GALNT13: variants seen among roughly 807,000 people sequenced by gnomAD.
GALNT13 encodes the protein polypeptide N-acetylgalactosaminyltransferase 13.
Under a neutral mutation model 64.2 loss-of-function variants are expected in GALNT13, and 28 were observed. The ratio of observed to expected loss-of-function variants is 0.44; its 90% confidence interval spans 0.32 to 0.60. The LOEUF is 0.60. Among genes scored for constraint, GALNT13 ranks in the 20% least tolerant of loss-of-function variants. The pLI is 0.05. For missense variants in GALNT13, 577 were observed against 669.8 expected (o/e 0.86, Z 1.53); for synonymous variants, 214 against 224.6 (o/e 0.95, Z 0.42).
chr2:154,104,184 G>A (rs2105470674), intron 3 of GALNT13, among the ~76,000 whole-genome samples: 1 of 139,764 alleles, frequency 7.2e-6, no homozygotes, highest in African/African-American at 2.6e-5. Flanking sequence ...AGGGCATGAT[G>A]CAACTGAGTT....
chr2:153,304,171 TGAGTCCAGAC>T, the GALNT13 span, among the ~76,000 whole-genome samples: 2 of 148,828 alleles, frequency 1.3e-5, no homozygotes, highest in African/African-American at 2.5e-5. Flanking sequence ...GTTCTGTTTT[TGAGTCCAGAC>T]TAGACAAGTA....
At chr2:154,200,986 G>A (rs939740474) in intron 4 of GALNT13, among the ~76,000 whole-genome samples, 3 of 152,068 alleles carry the variant, frequency 2.0e-5, no homozygotes, top group Non-Finnish European at 4.4e-5. Context: ...ACAATTAAAA[G>A]AACTTTAAGA....
the GALNT13 span, among the ~76,000 whole-genome samples, chr2:153,431,754 C>A: frequency 6.6e-6 from 1 of 152,156 alleles, no homozygotes; most frequent in African/African-American, 2.4e-5. Context: ...AGGGATCACC[C>A]ATTTCTTTTA....
At chr2:154,155,286 T>C (rs1013612620) in intron 4 of GALNT13, among the ~76,000 whole-genome samples, 5 of 152,114 alleles carry the variant, frequency 3.3e-5, no homozygotes, top group Admixed American at 1.3e-4. Flanking sequence ...CATTTGAAAG[T>C]CAGTCTTTGT....
chr2:154,105,856 TA>T (rs1260755728), intron 3 of GALNT13, among the ~76,000 whole-genome samples: 1 of 152,188 alleles, frequency 6.6e-6, no homozygotes, highest in Non-Finnish European at 1.5e-5. Flanking sequence ...TCAATTAATT[TA>T]AATTAAAATA....
At chr2:153,478,570 G>C in the GALNT13 span, 8 of 1,556,054 alleles carry the variant, frequency 5.1e-6, no homozygotes, top group Non-Finnish European at 5.2e-6. Context: ...ATTCATCGCA[G>C]GAACGGGCGG....
At chr2:153,957,807 G>A (rs759565678) in intron 3 of GALNT13, among the ~76,000 whole-genome samples, 3 of 151,944 alleles carry the variant, frequency 2.0e-5, no homozygotes, top group Non-Finnish European at 2.9e-5. Context: ...TAACTGTGTC[G>A]TAATTGACTG....
chr2:153,725,284 T>C, the GALNT13 span, among the ~76,000 whole-genome samples: 2 of 150,412 alleles, frequency 1.3e-5, no homozygotes, highest in Non-Finnish European at 2.9e-5. Context: ...GGAAGGGGAA[T>C]ATCACACTCT....
At chr2:153,691,542 C>T in the GALNT13 span, among the ~76,000 whole-genome samples, 1 of 151,778 alleles carries the variant, frequency 6.6e-6, no homozygotes, top group South Asian at 2.1e-4. Context: ...ATAAAAATTC[C>T]TATGTGTCAA....
chr2:153,104,708 G>A, the GALNT13 span, among the ~76,000 whole-genome samples: 1 of 152,072 alleles, frequency 6.6e-6, no homozygotes, highest in Non-Finnish European at 1.5e-5. Context: ...ATATAAACAT[G>A]TAAGGCTGTG....
chr2:153,964,995 A>C (rs1693231465), intron 3 of GALNT13, among the ~76,000 whole-genome samples: 1 of 152,150 alleles, frequency 6.6e-6, no homozygotes, highest in South Asian at 2.1e-4. Context: ...TGTTATTATA[A>C]ATATTTTTAT....
the GALNT13 span, among the ~76,000 whole-genome samples, chr2:153,135,192 A>G: frequency 2.6e-5 from 4 of 152,032 alleles, no homozygotes; most frequent in African/African-American, 9.7e-5. Flanking sequence ...ATAGAGCTGT[A>G]TCTCTTCTTC....
chr2:153,335,388 C>T, the GALNT13 span, among the ~76,000 whole-genome samples: 11 of 152,276 alleles, frequency 7.2e-5, no homozygotes, highest in Admixed American at 3.3e-4. Flanking sequence ...TGAATGGCTT[C>T]GCCCAAAATT....
At chr2:153,393,785 A>T in the GALNT13 span, among the ~76,000 whole-genome samples, 1 of 152,010 alleles carries the variant, frequency 6.6e-6, no homozygotes, top group Admixed American at 6.6e-5. Flanking sequence ...CCAGAGGAAG[A>T]GGGGATTTTG....
chr2:153,671,334 C>T, the GALNT13 span, among the ~76,000 whole-genome samples: 2 of 152,162 alleles, frequency 1.3e-5, no homozygotes, highest in South Asian at 2.1e-4. Context: ...GGAAGCTCGT[C>T]AGACTAACAG....
chr2:153,986,633 G>A (rs1694819219), intron 3 of GALNT13, among the ~76,000 whole-genome samples: 1 of 151,830 alleles, frequency 6.6e-6, no homozygotes, highest in Admixed American at 6.6e-5. Context: ...ACCGTGACAA[G>A]ATTTTCATGT....
the GALNT13 span, among the ~76,000 whole-genome samples, chr2:153,837,067 C>A: frequency 1.3e-5 from 2 of 148,652 alleles, no homozygotes; most frequent in Non-Finnish European, 1.5e-5. Context: ...GTTCTAGATC[C>A]CTGGGGAATC....
the GALNT13 span, among the ~76,000 whole-genome samples, chr2:153,568,264 C>G: frequency 5.0e-4 from 76 of 152,116 alleles, no homozygotes; most frequent in African/African-American, 1.6e-3. Context: ...GGCACCCAGG[C>G]TGGAGTACAG....
the GALNT13 span, among the ~76,000 whole-genome samples, chr2:153,828,447 G>A: frequency 6.6e-6 from 1 of 152,204 alleles, no homozygotes; most frequent in Admixed American, 6.5e-5. Context: ...AATACCATGT[G>A]AAAGCTGCCA....
Sources: allele counts gnomAD v4.1 joint callset (sites outside exome capture counted in the v4.1 genomes callset), GRCh38; gene constraint gnomAD v4.1.1; transcripts MANE v1.5; gene names NCBI Gene and HGNC (gene_info 2026-07-23, HGNC 2026-07-21).